The following RAB40B variants were observed in gnomAD, a reference collection of about 807,000 sequenced individuals.
RAB40B encodes the protein ras-related protein Rab-40B.
Under a neutral mutation model 24.0 loss-of-function variants are expected in RAB40B, and 21 were observed. That is an observed-to-expected ratio of 0.88 (90% CI 0.62 to 1.26). The LOEUF (loss-of-function observed/expected upper bound fraction) is 1.26, where lower values mean the gene tolerates loss of function less well. Ranked by LOEUF, RAB40B falls within the 50% of genes most tolerant of loss-of-function variation. RAB40B has a pLI of 0.00. For synonymous variants in RAB40B, 167 were observed against 169.8 expected, an observed-to-expected ratio of 0.98 and a Z score of 0.13; for missense variants, 348 against 390.5, an observed-to-expected ratio of 0.89 and a Z score of 0.92.
rs979304716 is a variant in RAB40B, at chr17:82,695,514, C to T, written c.142+2941G>A. On this transcript the variant is annotated intron_variant, in intron 1 of 5. Coordinates refer to ENST00000571995, the MANE Select transcript of RAB40B (RefSeq NM_006822.3). ...TGCCCTCACCTTTCAATAACAAGCA[C>T]CTATAGTGTTTCTCAGCGAAACATG... Among the ~76,000 whole-genome samples the T allele has an allele frequency of 2.5e-4, 38 of 149,948 alleles. 2 individuals carry two copies. The highest frequency in any genetic ancestry group is 8.0e-4 in the African/African-American group (32 of 40,006).
intron 2 of RAB40B, 48 bp downstream of exon 2, chr17:82,664,448 G>C: frequency 6.3e-7 from 1 of 1,580,954 alleles, no homozygotes; most frequent in Non-Finnish European, 8.7e-7. Context: ...CCAGCCAGGG[G>C]GGTTACTCCC....
At chr17:82,693,336 C>T (rs912771207) in intron 1 of RAB40B, among the ~76,000 whole-genome samples, 36 of 152,176 alleles carry the variant, frequency 2.4e-4, no homozygotes, top group African/African-American at 8.2e-4. Flanking sequence ...AGAGGAATTT[C>T]GCATAGACGT....
Position 82,657,728 on chromosome 17 carries a change from C to T in RAB40B, c.*135G>A, listed in dbSNP as rs750275932. The T allele has an allele frequency of 1.4e-5, 15 of 1,070,012 alleles. No individual in the cohort carries two copies. The Middle Eastern group carries it at 2.4e-3, about 170-fold the overall frequency. The allele number at this position is 1,070,012 out of a possible 1,614,324, so 66.3% of individuals were successfully genotyped here. On this transcript the variant is annotated 3_prime_UTR_variant, in exon 6 of 6. Coordinates refer to ENST00000571995, the MANE Select transcript of RAB40B (RefSeq NM_006822.3). The stretch of plus-strand genomic sequence containing the variant: ...CCGACGGGGTAGTGTGTTTCCATCA[C>T]ACGGAAGGCGTCGCACACATTCGCA...
At chr17:82,672,839 T>C (rs1338130486) in intron 1 of RAB40B, among the ~76,000 whole-genome samples, 1 of 152,242 alleles carries the variant, frequency 6.6e-6, no homozygotes, top group Non-Finnish European at 1.5e-5. Context: ...CATCCACAGC[T>C]GAACCACCAT....
Position 82,658,098 on chromosome 17 carries a change from A to T in RAB40B, c.602T>A (p.Val201Glu). 2 of 1,614,176 alleles carry T rather than the reference A, an allele frequency of 1.2e-6. No individual in the cohort carries two copies. The highest frequency in any genetic ancestry group is 1.7e-6 in the Non-Finnish European group (2 of 1,180,026). Residue 201 changes from valine to glutamate, a missense_variant, in exon 6 of 6, where the codon GTG becomes GAG. Transcript: ENST00000571995. ...CACCAGGTGCACCGGCGTGCAGGACACGACCGCCCGGCAGCAGAGGTCTTG... is the reference window on the plus strand; with the variant it reads ...CACCAGGTGCACCGGCGTGCAGGACTCGACCGCCCGGCAGCAGAGGTCTTG... ...SLQDLCCRAV[V>E]SCTPVHLVDK... is the part of the protein sequence containing the mutation.
At chr17:82,672,683 C>T (rs376078290) in intron 1 of RAB40B, among the ~76,000 whole-genome samples, 3 of 152,214 alleles carry the variant, frequency 2.0e-5, no homozygotes, top group African/African-American at 4.8e-5. Context: ...CAGGTTATGA[C>T]GCAGCAGGAG....
At chr17:82,659,933 C>T (rs1350509751) in intron 3 of RAB40B, among the ~76,000 whole-genome samples, 2 of 152,242 alleles carry the variant, frequency 1.3e-5, no homozygotes, top group African/African-American at 4.8e-5. Flanking sequence ...CCGCAGTAAT[C>T]GCCACCTCTC....
intron 1 of RAB40B, among the ~76,000 whole-genome samples, chr17:82,698,202 G>T (rs558110872): frequency 8.2e-4 from 124 of 151,942 alleles, no homozygotes; most frequent in Middle Eastern, 6.9e-3. Context: ...GGAACTGGGG[G>T]TGCAACAGGG....
chr17:82,670,217 G>A (rs1291040880), intron 1 of RAB40B, among the ~76,000 whole-genome samples: 5 of 121,282 alleles, frequency 4.1e-5, no homozygotes, highest in Non-Finnish European at 7.9e-5. Flanking sequence ...ACAGAGTCTC[G>A]CTCTCTCACC....
At chr17:82,688,646 T>C (rs2046526553) in intron 1 of RAB40B, among the ~76,000 whole-genome samples, 1 of 149,058 alleles carries the variant, frequency 6.7e-6, no homozygotes, top group South Asian at 2.1e-4. Flanking sequence ...CAAATAGTTT[T>C]GTTTGGGCCG....
chr17:82,661,769 C>T (rs1415469683), intron 2 of RAB40B: 1 of 290,864 alleles, frequency 3.4e-6, no homozygotes, highest in African/African-American at 2.3e-5. Flanking sequence ...CTCCTGTAGT[C>T]CCAGCTACTC....
At position 82,663,276 on chromosome 17, in the gene RAB40B, T is replaced by C. The variant is rs1206918478; in HGVS notation, c.203+1220A>G. On this transcript the variant is annotated intron_variant, in intron 2 of 5. Transcript: ENST00000571995. The surrounding 1 kb of genome is among the most constrained non-coding windows in gnomAD (Gnocchi z 6.2). ...GAAGGGGACAGGTAAGAGAAGGGGGTCCCAGCTGCTGGAGGCACACGTGGC... is the reference window on the plus strand; with the variant it reads ...GAAGGGGACAGGTAAGAGAAGGGGGCCCCAGCTGCTGGAGGCACACGTGGC... 6.7e-6 allele frequency among the ~76,000 whole-genome samples: 1 copy of C among 149,508 alleles called. No homozygotes were observed. The highest frequency in any genetic ancestry group is 2.5e-5 in the African/African-American group (1 of 40,372).
chr17:82,674,862 AG>A (rs1235649508), intron 1 of RAB40B, among the ~76,000 whole-genome samples: 2 of 152,064 alleles, frequency 1.3e-5, no homozygotes, highest in African/African-American at 4.8e-5. Context: ...GGGTGTGTGC[AG>A]GGAGTAGGCA....
At chr17:82,669,998 T>C (rs2046312982) in intron 1 of RAB40B, among the ~76,000 whole-genome samples, 1 of 152,190 alleles carries the variant, frequency 6.6e-6, no homozygotes, top group Non-Finnish European at 1.5e-5. Flanking sequence ...CTTGGGAATC[T>C]ATTTTCGAAT....
Position 82,663,119 on chromosome 17 carries a change from C to CG in RAB40B, c.203+1376dup, listed in dbSNP as rs981228405. Among the ~76,000 whole-genome samples the CG allele has an allele frequency of 6.6e-6, 1 of 152,080 alleles. No homozygotes were observed. The highest frequency in any genetic ancestry group is 1.5e-5 in the Non-Finnish European group (1 of 68,012). Reference sequence around the variant, plus strand: ...CGCCAGCCCAGCGAGGGCATGGCCCCGGGGGAGTGGGGACCTGAGAGCAGA... The same window carrying CG: ...CGCCAGCCCAGCGAGGGCATGGCCCCGGGGGGAGTGGGGACCTGAGAGCAGA... On this transcript the variant is annotated intron_variant, in intron 2 of 5. Coordinates refer to ENST00000571995, the MANE Select transcript of RAB40B (RefSeq NM_006822.3). The surrounding 1 kb of genome is among the most constrained non-coding windows in gnomAD (Gnocchi z 6.2).
chr17:82,690,205 G>C (rs184396658), intron 1 of RAB40B, among the ~76,000 whole-genome samples: 91 of 151,534 alleles, frequency 6.0e-4, no homozygotes, highest in Non-Finnish European at 8.8e-5. Flanking sequence ...TGTGTCCAGG[G>C]GAAGATCTGC....
intron 1 of RAB40B, among the ~76,000 whole-genome samples, chr17:82,670,679 C>T (rs1420799164): frequency 3.3e-5 from 5 of 151,896 alleles, no homozygotes; most frequent in Admixed American, 2.0e-4. Context: ...GGATTATAGG[C>T]GCCCACCACC....
Position 82,655,449 on chromosome 17 carries a change from C to T in RAB40B, c.*2414G>A, listed in dbSNP as rs1460738512. On this transcript the variant is annotated 3_prime_UTR_variant, in exon 6 of 6. Coordinates refer to ENST00000571995, the MANE Select transcript of RAB40B (RefSeq NM_006822.3). ...AGTAGTCCCGAGGAGACATCAATTA[C>T]AAAACAAGAAAAAGGAAGGAAGAGA... 3 of 152,154 alleles carry T rather than the reference C, an allele frequency of 2.0e-5. No homozygotes were observed. The highest frequency in any genetic ancestry group is 7.2e-5 in the African/African-American group (3 of 41,404). The allele number at this position is 152,154 out of a possible 1,614,324, so 9.4% of individuals were successfully genotyped here. A position where few individuals can be genotyped will look rare whatever the true frequency, so the allele number is the denominator to read the frequency against.
In RAB40B at chr17:82,663,641, C is replaced by T. The variant is rs1206461976; in HGVS notation, c.203+855G>A. ...GCTGGCCAGCAAGTCCTCACCTCCC[C>T]ACGTCTGGGTCCTCCACCCGCAGGC... On this transcript the variant is annotated intron_variant, in intron 2 of 5. Transcript: ENST00000571995. The surrounding 1 kb of genome is among the most constrained non-coding windows in gnomAD (Gnocchi z 6.2). Among the ~76,000 whole-genome samples the T allele has an allele frequency of 6.6e-6, 1 of 152,046 alleles. No individual in the cohort carries two copies. The highest frequency in any genetic ancestry group is 2.4e-5 in the African/African-American group (1 of 41,398).
Sources: gnomAD v4.1 joint callset for allele counts (sites outside exome capture counted in the v4.1 genomes callset) on GRCh38, gnomAD v4.1.1 for gene constraint, Gnocchi (gnomAD v3.1) non-coding constraint, MANE v1.5 for transcripts, NCBI Gene and HGNC (gene_info 2026-07-23, HGNC 2026-07-21) for gene names.